Variants in EPHA3 observed in about 807,000 individuals in gnomAD.
EPHA3 encodes EPH receptor A3.
A neutral mutation model predicts 107.1 loss-of-function variants in EPHA3; 42 were observed. That is an observed-to-expected ratio of 0.39 (90% CI 0.31 to 0.51). The LOEUF (loss-of-function observed/expected upper bound fraction) is 0.51, where lower values mean the gene tolerates loss of function less well. EPHA3 is among the 20% of genes least tolerant of loss of function. The pLI is 0.78. For synonymous variants in EPHA3, 461 were observed against 424.8 expected (o/e 1.09, Z -1.05); for missense variants, 1,183 against 1,211.2 (o/e 0.98, Z 0.35).
At chr3:89,382,526 G>A (rs1215294200) in intron 5 of EPHA3, among the ~76,000 whole-genome samples, 13 of 147,448 alleles carry the variant, frequency 8.8e-5, no homozygotes, top group Non-Finnish European at 1.5e-4. Context: ...AAAAAAAAAA[G>A]AGAATATTCC....
intron 3 of EPHA3, among the ~76,000 whole-genome samples, chr3:89,230,041 A>C (rs1256214143): frequency 6.6e-6 from 1 of 152,126 alleles, no homozygotes; most frequent in Non-Finnish European, 1.5e-5. Flanking sequence ...TATGAGCTTT[A>C]AAAATTATTT....
chr3:89,395,994 T>G, intron 6 of EPHA3, 33 bp downstream of exon 6: 1 of 1,609,338 alleles, frequency 6.2e-7, no homozygotes, highest in South Asian at 1.1e-5. Flanking sequence ...TTGGGCTGTG[T>G]AGGCAAGAAG....
In EPHA3 at chr3:89,479,871, C is replaced by A; in HGVS notation, c.*369C>A. ...TGGTGGCTTTGTTTAGGTAGAGCCA[C>A]AAAAGAAAAGACTTGTAATATTTTT... On this transcript the variant is annotated 3_prime_UTR_variant, in exon 17 of 17. Coordinates refer to ENST00000336596, the MANE Select transcript of EPHA3 (RefSeq NM_005233.6). 4.1e-6 allele frequency: 1 copy of A among 244,980 alleles called. No individual in the cohort carries two copies. The highest frequency in any genetic ancestry group is 8.0e-6 in the Non-Finnish European group (1 of 125,566). The allele number at this position is 244,980 out of a possible 1,614,324, so 15.2% of individuals were successfully genotyped here.
intron 3 of EPHA3, among the ~76,000 whole-genome samples, chr3:89,218,581 G>A (rs1482611393): frequency 6.6e-6 from 1 of 151,918 alleles, no homozygotes; most frequent in African/African-American, 2.4e-5. Context: ...ATTGTGAATA[G>A]TGCCACAATA....
intron 1 of EPHA3, among the ~76,000 whole-genome samples, chr3:89,121,534 G>T (rs187965128): frequency 0.023 from 3,524 of 152,156 alleles, 132 homozygotes; most frequent in African/African-American, 0.079. Context: ...CAAGGCGTGC[G>T]GATCATGAGG....
In EPHA3 at chr3:89,435,780, C is replaced by G. The variant is rs1463137115; in HGVS notation, c.2346+4421C>G. 2.0e-5 allele frequency among the ~76,000 whole-genome samples: 3 copies of G among 150,136 alleles called. No individual in the cohort carries two copies. The East Asian group carries it at 5.9e-4, about 29-fold the overall frequency. On this transcript the variant is annotated intron_variant, in intron 13 of 16. Transcript: ENST00000336596. ...CCAGCCTGGCCAACATGGTGAAACC[C>G]CGTGTCTACTAAAAATACAAAAATT... is the stretch of plus-strand genomic sequence containing the variant.
chr3:89,440,469 A>G (rs888755861), intron 13 of EPHA3, among the ~76,000 whole-genome samples: 1 of 152,202 alleles, frequency 6.6e-6, no homozygotes. Context: ...ATTATGCCTC[A>G]ATACCCAGAA....
intron 3 of EPHA3, among the ~76,000 whole-genome samples, chr3:89,242,084 A>G (rs1362812616): frequency 1.3e-5 from 2 of 152,206 alleles, no homozygotes; most frequent in Non-Finnish European, 2.9e-5. Context: ...ATCAATGAGG[A>G]TATGAAAGGA....
At chr3:89,204,796 A>G (rs1398396540) in intron 2 of EPHA3, among the ~76,000 whole-genome samples, 5 of 152,126 alleles carry the variant, frequency 3.3e-5, no homozygotes, top group Non-Finnish European at 7.4e-5. Context: ...TAAATGCCCA[A>G]ATACTTCCAG....
intron 2 of EPHA3, among the ~76,000 whole-genome samples, chr3:89,155,037 A>G (rs960876797): frequency 3.3e-5 from 5 of 151,494 alleles, no homozygotes; most frequent in African/African-American, 9.7e-5. Flanking sequence ...AGTTTATTCA[A>G]ACTGACAGCT....
At chr3:89,139,774 G>C (rs1469661464) in intron 2 of EPHA3, among the ~76,000 whole-genome samples, 1 of 151,682 alleles carries the variant, frequency 6.6e-6, no homozygotes, top group Non-Finnish European at 1.5e-5. Flanking sequence ...CTGGGTCTGG[G>C]TTCGGTGCTC....
At chr3:89,442,292 G>C (rs1191386524) in intron 13 of EPHA3, among the ~76,000 whole-genome samples, 1 of 152,126 alleles carries the variant, frequency 6.6e-6, no homozygotes, top group Admixed American at 6.6e-5. Flanking sequence ...TTTTCTATTA[G>C]TAAAGGTATA....
At chr3:89,423,237 T>C (rs1576370413) in intron 11 of EPHA3, among the ~76,000 whole-genome samples, 1 of 151,490 alleles carries the variant, frequency 6.6e-6, no homozygotes, top group East Asian at 1.9e-4. Flanking sequence ...AGGAATGTCA[T>C]GGGCAGAACG....
chr3:89,380,845 C>T (rs1345573805), intron 5 of EPHA3, among the ~76,000 whole-genome samples: 5 of 151,222 alleles, frequency 3.3e-5, no homozygotes, highest in Non-Finnish European at 7.4e-5. Flanking sequence ...CTTGGCTCAC[C>T]GCAACCTCCG....
intron 3 of EPHA3, among the ~76,000 whole-genome samples, chr3:89,293,863 G>A (rs1301875835): frequency 1.3e-5 from 2 of 152,016 alleles, no homozygotes; most frequent in Non-Finnish European, 2.9e-5. Context: ...GACTAATACC[G>A]TCTGCCTCAA....
intron 2 of EPHA3, among the ~76,000 whole-genome samples, chr3:89,200,636 T>C (rs1261182817): frequency 1.3e-5 from 2 of 152,216 alleles, no homozygotes; most frequent in African/African-American, 4.8e-5. Flanking sequence ...GTTCCTGGCC[T>C]TACATTTCTA....
chr3:89,444,510 G>T (rs1168710085), intron 13 of EPHA3, among the ~76,000 whole-genome samples: 3 of 151,872 alleles, frequency 2.0e-5, no homozygotes, highest in Non-Finnish European at 4.4e-5. Context: ...CTTTTTATCT[G>T]ATTTAGTATT....
rs1367942327 is a variant in EPHA3 at position 89,351,388 on chromosome 3, G to A, written c.1306+9298G>A. Among the ~76,000 whole-genome samples the A allele has an allele frequency of 2.8e-4, 42 of 150,824 alleles. No homozygotes were observed. The East Asian group carries it at 5.3e-3, about 19-fold the overall frequency. ...GGGAGTGACCCGATTTTCCAGGTGC[G>A]TCCGTCACCCCTTTCTTTGACTCGG... On this transcript the variant is annotated intron_variant, in intron 5 of 16. Coordinates refer to ENST00000336596, the MANE Select transcript of EPHA3 (RefSeq NM_005233.6).
chr3:89,414,385 C>A (rs1479894203), intron 10 of EPHA3, among the ~76,000 whole-genome samples: 1 of 151,534 alleles, frequency 6.6e-6, no homozygotes, highest in Non-Finnish European at 1.5e-5. Flanking sequence ...GGAGTAGTAA[C>A]TTCTTTTTTA....
Sources: gnomAD v4.1 joint callset for allele counts (sites outside exome capture counted in the v4.1 genomes callset) on GRCh38, gnomAD v4.1.1 for gene constraint, MANE v1.5 for transcripts, NCBI Gene and HGNC (gene_info 2026-07-23, HGNC 2026-07-21) for gene names.